The following TMEM131 variants were observed in gnomAD, a reference collection of about 807,000 sequenced individuals.
TMEM131 encodes the protein 2610524E03Rik.
In TMEM131, 66 loss-of-function variants were observed where a neutral mutation model predicts 211.6. That is an observed-to-expected ratio of 0.31 (90% CI 0.26 to 0.38). The LOEUF (loss-of-function observed/expected upper bound fraction) is 0.38. TMEM131 is among the 10% of genes least tolerant of loss of function. The pLI, the probability that TMEM131 is intolerant of heterozygous loss-of-function variation, is 1.00. For missense variants in TMEM131, 2,036 were observed against 2,299.3 expected (o/e 0.89, Z 2.34); for synonymous variants, 844 against 841.3 (o/e 1.00, Z -0.06).
At chr2:97,903,980 T>C (rs559194300) in intron 3 of TMEM131, among the ~76,000 whole-genome samples, 1 of 152,182 alleles carries the variant, frequency 6.6e-6, no homozygotes, top group South Asian at 2.1e-4. Flanking sequence ...GGTTATTCTA[T>C]AAAATAAACA....
chr2:97,986,889 A>G (rs148304281), intron 1 of TMEM131, among the ~76,000 whole-genome samples: 117 of 152,362 alleles, frequency 7.7e-4, no homozygotes, highest in Middle Eastern at 3.4e-3. Context: ...TGACAAACAT[A>G]AACTATCTCA....
At chr2:97,985,563 G>T (rs1200077076) in intron 1 of TMEM131, among the ~76,000 whole-genome samples, 1 of 151,894 alleles carries the variant, frequency 6.6e-6, no homozygotes, top group Non-Finnish European at 1.5e-5. Context: ...GCTTTTTGAA[G>T]AATAATCATT....
chr2:97,764,275 G>A (rs1679046973), intron 35 of TMEM131: 1 of 152,390 alleles, frequency 6.6e-6, no homozygotes, highest in Non-Finnish European at 1.5e-5. Flanking sequence ...AGAACTTCAG[G>A]TCTAAGCAAG....
chr2:97,831,770 G>A lies in TMEM131; in HGVS notation c.1074+1595C>T, dbSNP rs1346794791. 2.1e-4 allele frequency among the ~76,000 whole-genome samples: 29 copies of A among 140,760 alleles called. No individual in the cohort carries two copies. In the Admixed American group the frequency reaches 2.1e-3, roughly 10 times the overall value. 92.3% of individuals were successfully genotyped at this position (140,760 alleles called of 152,430 possible). ...CTGCAGCCTCCACCTCTGAGGTTCA[G>A]GCAATTCTCCTGCTTCAGCTTGAGT... is the stretch of plus-strand genomic sequence containing the variant. On this transcript the variant is annotated intron_variant, in intron 11 of 40. Transcript: ENST00000186436.
At chr2:97,875,838 T>C (rs1167046221) in intron 4 of TMEM131, among the ~76,000 whole-genome samples, 1 of 151,814 alleles carries the variant, frequency 6.6e-6, no homozygotes, top group East Asian at 1.9e-4. Flanking sequence ...AAATTCAAAA[T>C]CTAGCAGAAG....
intron 1 of TMEM131, among the ~76,000 whole-genome samples, chr2:97,983,075 T>C (rs972553744): frequency 6.6e-6 from 1 of 152,202 alleles, no homozygotes; most frequent in African/African-American, 2.4e-5. Context: ...AAAAGGGCTG[T>C]AGAAGCTCAG....
chr2:97,852,245 T>C (rs1341932268), intron 5 of TMEM131, among the ~76,000 whole-genome samples: 1 of 151,248 alleles, frequency 6.6e-6, no homozygotes, highest in Non-Finnish European at 1.5e-5. Flanking sequence ...CACTGCAATC[T>C]CTGCCTTCCA....
chr2:97,894,588 C>T (rs1219444807), intron 3 of TMEM131, among the ~76,000 whole-genome samples: 2 of 152,066 alleles, frequency 1.3e-5, no homozygotes, highest in Non-Finnish European at 1.5e-5. Flanking sequence ...TTCTTGAAGA[C>T]GTCCTTCATA....
intron 1 of TMEM131, among the ~76,000 whole-genome samples, chr2:97,939,267 T>G (rs1293270416): frequency 3.3e-5 from 5 of 151,858 alleles, no homozygotes; most frequent in Non-Finnish European, 7.4e-5. Flanking sequence ...ATCAACAAAA[T>G]TGATAGACCT....
intron 31 of TMEM131, among the ~76,000 whole-genome samples, chr2:97,779,780 C>G (rs1030928117): frequency 6.6e-6 from 1 of 152,124 alleles, no homozygotes; most frequent in Non-Finnish European, 1.5e-5. Flanking sequence ...TTTGGGAAGC[C>G]AAAGCAGGAG....
intron 1 of TMEM131, among the ~76,000 whole-genome samples, chr2:97,982,958 T>C (rs1051397298): frequency 5.9e-5 from 9 of 152,166 alleles, no homozygotes; most frequent in African/African-American, 2.2e-4. Context: ...ATGTTTCTTG[T>C]AATTAGGTAC....
At chr2:97,866,838 A>G (rs949172542) in intron 4 of TMEM131, among the ~76,000 whole-genome samples, 1 of 152,212 alleles carries the variant, frequency 6.6e-6, no homozygotes, top group African/African-American at 2.4e-5. Context: ...TTTGTACAGG[A>G]CGAGTATCCC....
intron 1 of TMEM131, among the ~76,000 whole-genome samples, chr2:97,937,243 A>C (rs1347404607): frequency 6.6e-6 from 1 of 152,188 alleles, no homozygotes; most frequent in Non-Finnish European, 1.5e-5. Flanking sequence ...AAAAACAAGC[A>C]AATTGAAATT....
At position 97,938,158 on chromosome 2, in the gene TMEM131, G is replaced by C. The variant is rs190785497; in HGVS notation, c.188-10671C>G. Among the ~76,000 whole-genome samples, 1,004 of 152,224 alleles carry C rather than the reference G, an allele frequency of 6.6e-3. 5 individuals are homozygous for C. The highest frequency in any genetic ancestry group is 0.012 in the Non-Finnish European group (806 of 68,000). ...TAACCAGCTAACATCATAATGACAG[G>C]ATCAAATTCACATATAACAATATTA... On this transcript the variant is annotated intron_variant, in intron 1 of 40. Coordinates refer to ENST00000186436, the MANE Select transcript of TMEM131 (RefSeq NM_015348.2).
chr2:97,851,863 T>C (rs1673639504), intron 5 of TMEM131, among the ~76,000 whole-genome samples: 1 of 152,222 alleles, frequency 6.6e-6, no homozygotes, highest in African/African-American at 2.4e-5. Flanking sequence ...GGCCAATTAG[T>C]AGCCCTACAA....
chr2:97,759,437 G>A, intron 39 of TMEM131: 2 of 566,164 alleles, frequency 3.5e-6, no homozygotes, highest in Non-Finnish European at 6.3e-6. Context: ...ACACCAACTG[G>A]TGTGCGCACA....
chr2:97,880,997 T>C (rs563147695), intron 4 of TMEM131, among the ~76,000 whole-genome samples: 22 of 152,254 alleles, frequency 1.4e-4, no homozygotes, highest in Admixed American at 6.5e-4. Context: ...CAGATCAAAG[T>C]GTCACCAAAC....
At chr2:97,840,514 C>A (rs1000374442) in intron 7 of TMEM131, among the ~76,000 whole-genome samples, 2 of 152,178 alleles carry the variant, frequency 1.3e-5, no homozygotes. Context: ...TGCTTGAGGC[C>A]AGGAGTTCAA....
chr2:97,784,915 T>C (rs1373490465), intron 31 of TMEM131, among the ~76,000 whole-genome samples: 1 of 151,914 alleles, frequency 6.6e-6, no homozygotes, highest in Non-Finnish European at 1.5e-5. Context: ...ATTACCAATA[T>C]CAGAAACAAA....
Sources: gnomAD v4.1 joint callset for allele counts (sites outside exome capture counted in the v4.1 genomes callset) on GRCh38, gnomAD v4.1.1 for gene constraint, MANE v1.5 for transcripts, NCBI Gene and HGNC (gene_info 2026-07-23, HGNC 2026-07-21) for gene names.